The following CSMD1 variants were observed in gnomAD, a reference collection of about 807,000 sequenced individuals.
CSMD1 encodes the protein CUB and sushi domain-containing protein 1.
Under a neutral mutation model 417.5 loss-of-function variants are expected in CSMD1, and 213 were observed. That is an observed-to-expected ratio of 0.51 (90% CI 0.46 to 0.57). CSMD1 has a LOEUF of 0.57. Among genes scored for constraint, CSMD1 ranks in the 20% least tolerant of loss-of-function variants. The pLI, the probability that CSMD1 is intolerant of heterozygous loss-of-function variation, is 0.00. For missense variants in CSMD1, 6,923 were observed against 4,529.7 expected (o/e 1.53, Z -15.17); for synonymous variants, 2,862 against 1,736.8 (o/e 1.65, Z -16.11).
intron 1 of CSMD1, among the ~76,000 whole-genome samples, chr8:4,876,723 A>T (rs1277277222): frequency 6.6e-6 from 1 of 151,890 alleles, no homozygotes; most frequent in Non-Finnish European, 1.5e-5. Flanking sequence ...CAATATCATG[A>T]CCTCTTTCTT....
chr8:3,835,172 G>A (rs1328624333), intron 5 of CSMD1, among the ~76,000 whole-genome samples: 3 of 148,032 alleles, frequency 2.0e-5, no homozygotes, highest in Non-Finnish European at 3.0e-5. Flanking sequence ...ATTCCTCAGG[G>A]ATCTAGAACT....
At chr8:4,240,904 G>A (rs1452207202) in intron 3 of CSMD1, among the ~76,000 whole-genome samples, 1 of 152,134 alleles carries the variant, frequency 6.6e-6, no homozygotes, top group Admixed American at 6.5e-5. Flanking sequence ...TTACTGTAAA[G>A]AAAATAGTTT....
chr8:3,518,929 A>G (rs1040703334), intron 10 of CSMD1, among the ~76,000 whole-genome samples: 1 of 152,210 alleles, frequency 6.6e-6, no homozygotes, highest in Non-Finnish European at 1.5e-5. Flanking sequence ...ATCTCCTCAT[A>G]TTGTCCCTTT....
intron 16 of CSMD1, among the ~76,000 whole-genome samples, chr8:3,397,453 C>G (rs909916749): frequency 6.6e-6 from 1 of 152,188 alleles, no homozygotes; most frequent in East Asian, 1.9e-4. Flanking sequence ...ATTACCTATT[C>G]CTGCAACTAG....
chr8:3,943,801 T>C (rs1811050572), intron 5 of CSMD1, among the ~76,000 whole-genome samples: 1 of 152,052 alleles, frequency 6.6e-6, no homozygotes, highest in Non-Finnish European at 1.5e-5. Context: ...GTAAAATAAT[T>C]GGCCCTTACT....
At chr8:3,567,649 T>G (rs1237319158) in intron 10 of CSMD1, among the ~76,000 whole-genome samples, 2 of 152,002 alleles carry the variant, frequency 1.3e-5, no homozygotes, top group African/African-American at 4.8e-5. Flanking sequence ...TTCCCAGCCT[T>G]GTTTACCGAC....
At chr8:3,313,242 T>A (rs999579760) in intron 23 of CSMD1, among the ~76,000 whole-genome samples, 1 of 152,104 alleles carries the variant, frequency 6.6e-6, no homozygotes, top group African/African-American at 2.4e-5. Flanking sequence ...CCAAAAGCAA[T>A]GGCAACAAAA....
At chr8:3,577,603 G>C (rs7013378) in intron 9 of CSMD1, among the ~76,000 whole-genome samples, 35,893 of 152,038 alleles carry the variant, frequency 0.24, 4,468 homozygotes, top group Non-Finnish European at 0.28. Context: ...GCATTTGATT[G>C]TTTCCTCAAT....
At chr8:4,244,896 G>A (rs964448551) in intron 3 of CSMD1, among the ~76,000 whole-genome samples, 3 of 152,086 alleles carry the variant, frequency 2.0e-5, no homozygotes, top group African/African-American at 7.2e-5. Flanking sequence ...TAGATATAAT[G>A]GAGATAACAA....
intron 1 of CSMD1, among the ~76,000 whole-genome samples, chr8:4,720,599 T>A (rs899500224): frequency 6.6e-6 from 1 of 152,098 alleles, no homozygotes; most frequent in Non-Finnish European, 1.5e-5. Flanking sequence ...TGTATTTAAA[T>A]AGAGACAGGG....
intron 3 of CSMD1, among the ~76,000 whole-genome samples, chr8:4,240,462 A>G (rs929731214): frequency 5.3e-5 from 8 of 150,626 alleles, no homozygotes; most frequent in Non-Finnish European, 1.2e-4. Flanking sequence ...TCCACATCTC[A>G]GATAACAATC....
chr8:4,017,946 T>C (rs1029979096), intron 4 of CSMD1, among the ~76,000 whole-genome samples: 2 of 152,186 alleles, frequency 1.3e-5, no homozygotes, highest in African/African-American at 4.8e-5. Context: ...TTGCACACAA[T>C]GGGCAACTAT....
At chr8:3,911,201 G>A (rs1326598256) in intron 5 of CSMD1, among the ~76,000 whole-genome samples, 1 of 152,168 alleles carries the variant, frequency 6.6e-6, no homozygotes, top group African/African-American at 2.4e-5. Context: ...CTGGGGACTA[G>A]ATGTCAGCAT....
intron 12 of CSMD1, among the ~76,000 whole-genome samples, chr8:3,445,612 C>T (rs762607141): frequency 1.3e-4 from 20 of 151,926 alleles, no homozygotes; most frequent in African/African-American, 1.9e-4. Context: ...TAAAGAAGGC[C>T]AGAAGAGAGG....
chr8:3,284,029 G>C (rs75649972), intron 26 of CSMD1, 115 bp downstream of exon 26: 25,084 of 898,278 alleles, frequency 0.028, 752 homozygotes, highest in African/African-American at 0.13. Context: ...TTCAAATTAG[G>C]CTCAATAAAT....
In CSMD1 at chr8:3,984,785, G is replaced by C. The variant is rs573599192; in HGVS notation, c.818+13118C>G. Among the ~76,000 whole-genome samples, 283 of 144,354 alleles carry C rather than the reference G, an allele frequency of 2.0e-3. 1 individual carries two copies. The highest frequency in any genetic ancestry group is 3.5e-3 in the Middle Eastern group (1 of 282). The allele number at this position is 144,354 out of a possible 152,430, so 94.7% of individuals were successfully genotyped here. ...TATTTGTGCGTGTGTGTGTGTGTGTGGGTGTAAAGGGAGATCACACACACA... is the reference window on the plus strand; with the variant it reads ...TATTTGTGCGTGTGTGTGTGTGTGTCGGTGTAAAGGGAGATCACACACACA... On this transcript the variant is annotated intron_variant, in intron 5 of 69. Transcript: ENST00000635120.
chr8:3,523,687 A>G (rs1318488335), intron 10 of CSMD1, among the ~76,000 whole-genome samples: 1 of 151,920 alleles, frequency 6.6e-6, no homozygotes, highest in Non-Finnish European at 1.5e-5. Context: ...ACACCCAGAG[A>G]GACATATGCA....
intron 5 of CSMD1, among the ~76,000 whole-genome samples, chr8:3,854,085 G>T (rs1804120817): frequency 7.1e-6 from 1 of 140,578 alleles, no homozygotes; most frequent in Non-Finnish European, 1.5e-5. Context: ...ATATACTAAA[G>T]AAAAATTACA....
intron 54 of CSMD1, 88 bp downstream of exon 54, chr8:2,997,923 G>C (rs1477590816): frequency 6.1e-6 from 8 of 1,305,104 alleles, no homozygotes; most frequent in Non-Finnish European, 8.4e-6. Flanking sequence ...CATTACCCTT[G>C]ATTCATGGAG....
Sources: gnomAD v4.1 joint callset for allele counts (sites outside exome capture counted in the v4.1 genomes callset) on GRCh38, gnomAD v4.1.1 for gene constraint, MANE v1.5 for transcripts, NCBI Gene and HGNC (gene_info 2026-07-23, HGNC 2026-07-21) for gene names.